PROSER1: variants seen among roughly 807,000 people sequenced by gnomAD.
PROSER1 encodes the protein proline and serine rich 1.
In PROSER1, 36 loss-of-function variants were observed where a neutral mutation model predicts 71.8. The ratio of observed to expected loss-of-function variants is 0.50; its 90% CI spans 0.38 to 0.66. The LOEUF is 0.66. Among genes scored for constraint, PROSER1 ranks in the 30% least tolerant of loss-of-function variants. PROSER1 has a pLI of 0.00. For missense variants in PROSER1, 1,107 were observed against 1,135.0 expected (o/e 0.98, Z 0.35); for synonymous variants, 490 against 452.4 (o/e 1.08, Z -1.06).
intron 8 of PROSER1, chr13:39,022,810 C>A: frequency 2.3e-6 from 1 of 427,792 alleles, no homozygotes; most frequent in South Asian, 4.7e-5. Context: ...AGTGAAAACC[C>A]ATAAATAATG....
In PROSER1 at chr13:39,012,712, G is replaced by T. The variant is rs372825399; in HGVS notation, c.2540C>A (p.Ser847Tyr). ...FASAFSSNFN[S>Y]ALVAQAGLSS... The stretch of plus-strand genomic sequence containing the variant: ...ATACCCGGCTTGTGCAACAAGAGCG[G>T]AGTTGAAATTGGAACTGAATGCTGA... Residue 847 changes from serine (S) to tyrosine (Y), a missense_variant, in exon 11 of 13, where the codon TCC becomes TAC. Coordinates refer to ENST00000352251, the MANE Select transcript of PROSER1 (RefSeq NM_025138.5). 1 of 1,591,244 alleles carries T rather than the reference G, an allele frequency of 6.3e-7. No individual in the cohort carries two copies. The highest frequency in any genetic ancestry group is 1.1e-5 in the South Asian group (1 of 88,108).
At chr13:39,036,706 A>C (rs527310687) in intron 1 of PROSER1, among the ~76,000 whole-genome samples, 83 of 152,304 alleles carry the variant, frequency 5.4e-4, no homozygotes, top group Non-Finnish European at 9.7e-4. Context: ...GTGACTTTAA[A>C]CTTAATGCCA....
intron 2 of PROSER1, 46 bp from the exon 3 acceptor site, chr13:39,031,677 C>T (rs768419391): frequency 4.0e-6 from 6 of 1,516,586 alleles, no homozygotes; most frequent in Non-Finnish European, 9.1e-7. Context: ...TGTTTGCAAA[C>T]ATTTCTATAA....
intron 9 of PROSER1, among the ~76,000 whole-genome samples, chr13:39,021,120 A>G (rs1253650302): frequency 6.6e-6 from 1 of 152,180 alleles, no homozygotes; most frequent in Non-Finnish European, 1.5e-5. Flanking sequence ...TGGCCGTGGA[A>G]CTTAGGCTAC....
rs1870985371 is a variant in PROSER1 at position 39,034,182 on chromosome 13, TTC to T, written c.58_59del (p.Glu20IlefsTer7). 1 of 1,589,510 alleles carries T rather than the reference TTC, an allele frequency of 6.3e-7. No individual in the cohort carries two copies. The highest frequency in any genetic ancestry group is 8.5e-7 in the Non-Finnish European group (1 of 1,171,338). On this transcript the variant is annotated frameshift_variant, in exon 2 of 13. Transcript: ENST00000352251. LOFTEE classifies it high-confidence loss of function. ...CATATTCAATTGCTTTTAATTTGTA[TTC>T]TGTCAAAACAGCCTAAAAAAAAAAA... ...LDEIRKAVLTEYKLKAIEYVH... is the reference protein window; with the variant it reads ...LDEIRKAVLTXYKLKAIEYVH...
chr13:39,025,304 A>G (rs1219476300), intron 6 of PROSER1, among the ~76,000 whole-genome samples: 1 of 152,182 alleles, frequency 6.6e-6, no homozygotes, highest in African/African-American at 2.4e-5. Flanking sequence ...TCGCCCTAAC[A>G]CTGTGTGTGG....
chr13:39,028,956 C>CAA (rs35534965), intron 4 of PROSER1: 98 of 91,772 alleles, frequency 1.1e-3, no homozygotes, highest in East Asian at 2.7e-3. Context: ...AGCACCTTGC[C>CAA]AAAAAAAAAA....
At chr13:39,033,798 T>C (rs1029610500) in intron 2 of PROSER1, among the ~76,000 whole-genome samples, 9 of 152,234 alleles carry the variant, frequency 5.9e-5, no homozygotes, top group African/African-American at 1.7e-4. Flanking sequence ...AATTTTGTAA[T>C]TGTCTTACAT....
chr13:39,026,461 C>G lies in PROSER1; in HGVS notation c.370-74G>C, dbSNP rs918210688. On this transcript the variant is annotated intron_variant, in intron 5 of 12. Transcript: ENST00000352251. ...AGTATTCTGAACATTGGGAGCTCAG[C>G]TAAAAAAAACATGAATTAAAGAACA... 11 of 850,312 alleles carry G rather than the reference C, an allele frequency of 1.3e-5. No homozygotes were observed. The African/African-American group carries it at 1.9e-4, about 15-fold the overall frequency. 52.7% of individuals were successfully genotyped at this position (850,312 alleles called of 1,614,324 possible).
intron 1 of PROSER1, among the ~76,000 whole-genome samples, chr13:39,034,804 C>G (rs1289385335): frequency 6.6e-6 from 1 of 152,204 alleles, no homozygotes; most frequent in Non-Finnish European, 1.5e-5. Context: ...CATTCACCAA[C>G]CTCAAAGAAT....
chr13:39,035,058 G>A (rs1483557100), intron 1 of PROSER1, among the ~76,000 whole-genome samples: 3 of 152,018 alleles, frequency 2.0e-5, no homozygotes, highest in Non-Finnish European at 4.4e-5. Flanking sequence ...TAATCCCTTT[G>A]CTTGTACTAT....
rs768161028 is a variant in PROSER1, at chr13:39,011,129, C to A, written c.*236G>T. ...AAATTTTATAGGACAGGTGAAAAGT[C>A]TCCAAACACTTTTTAAATACCATTC... On this transcript the variant is annotated 3_prime_UTR_variant, in exon 13 of 13. Transcript: ENST00000352251. 13 of 454,306 alleles carry A rather than the reference C, an allele frequency of 2.9e-5. No individual in the cohort carries two copies. Among genetic ancestry groups the A allele is most frequent in the Non-Finnish European group, 4.4e-5 (11 of 251,992 alleles). 28.1% of individuals were successfully genotyped at this position (454,306 alleles called of 1,614,324 possible).
chr13:39,029,068 TAAAC>T (rs1273644787), intron 4 of PROSER1: 1 of 358,000 alleles, frequency 2.8e-6, no homozygotes, highest in Non-Finnish European at 5.0e-6. Flanking sequence ...AAAATCAAAT[TAAAC>T]AATCTTGTTA....
intron 2 of PROSER1, 107 bp from the exon 3 acceptor site, chr13:39,031,738 G>T: frequency 1.1e-6 from 1 of 869,946 alleles, no homozygotes. Context: ...AGGCCCAGGT[G>T]ATACAGGTGG....
At chr13:39,018,489 C>CACACACACACACACAA (rs1870115598) in intron 9 of PROSER1, among the ~76,000 whole-genome samples, 1 of 143,964 alleles carries the variant, frequency 6.9e-6, no homozygotes, top group African/African-American at 2.6e-5. Flanking sequence ...CACACACACA[C>CACACACACACACACAA]ACACACACAC....
chr13:39,030,297 C>T lies in PROSER1; in HGVS notation c.181-922G>A, dbSNP rs116043621. On this transcript the variant is annotated intron_variant, in intron 3 of 12. Transcript: ENST00000352251. ...AGCTCATTTATGGAAATATTTATTA[C>T]GTAACTCAACTGGCGAAATCAGTCT... Among the ~76,000 whole-genome samples the T allele has an allele frequency of 4.3e-3, 654 of 152,244 alleles. 9 individuals are homozygous for T. The highest frequency in any genetic ancestry group is 0.015 in the African/African-American group (629 of 41,542).
At chr13:39,031,493 A>C (rs951976084) in intron 3 of PROSER1, 70 bp downstream of exon 3, 8 of 1,127,384 alleles carry the variant, frequency 7.1e-6, no homozygotes, top group Non-Finnish European at 9.2e-6. Flanking sequence ...AACTGAAATA[A>C]ATTACACACA....
At chr13:39,015,146 A>G (rs1407168445) in intron 10 of PROSER1, among the ~76,000 whole-genome samples, 1 of 152,188 alleles carries the variant, frequency 6.6e-6, no homozygotes, top group African/African-American at 2.4e-5. Flanking sequence ...GCACCTGCAT[A>G]GTTAATGAGC....
Position 39,022,331 on chromosome 13 carries a change from C to G in PROSER1, c.725G>C (p.Gly242Ala), listed in dbSNP as rs1290251402. 1 of 1,602,404 alleles carries G rather than the reference C, an allele frequency of 6.2e-7. No homozygotes were observed. Residue 242 changes from glycine to alanine, a missense_variant, in exon 9 of 13, where the codon GGA becomes GCA. Gly to Ala is a moderately conservative substitution (Grantham distance 60, BLOSUM62 0). Transcript: ENST00000352251. The part of the protein sequence containing the change: ...PPPPYTPNPV[G>A]TENEDLSNPS... ...ACCCCCAAATAACATTTTACCTGTT[C>G]CTACAGGATTAGGAGTATATGGAGG...
Sources: gnomAD v4.1 joint callset for allele counts (sites outside exome capture counted in the v4.1 genomes callset) on GRCh38, gnomAD v4.1.1 for gene constraint, MANE v1.5 for transcripts, NCBI Gene and HGNC (gene_info 2026-07-23, HGNC 2026-07-21) for gene names.